Variants in CFAP299 observed in about 807,000 individuals in gnomAD.
The protein encoded by CFAP299 is cilia and flagella associated protein 299, also known as cilia- and flagella-associated protein 299.
CFAP299 carries 21 observed loss-of-function variants against 27.0 expected under a neutral mutation model. The observed-to-expected ratio is 0.78, with a 90% confidence interval of 0.55 to 1.12. CFAP299 has a LOEUF of 1.12. Ranked by LOEUF, CFAP299 falls within the 50% of genes most tolerant of loss-of-function variation. The pLI is 0.00. For synonymous variants in CFAP299, 104 were observed against 98.1 expected, an observed-to-expected ratio of 1.06 and a Z score of -0.36; for missense variants, 310 against 276.6, an observed-to-expected ratio of 1.12 and a Z score of -0.86.
intron 2 of CFAP299, among the ~76,000 whole-genome samples, chr4:80,469,450 TG>T (rs1376510019): frequency 6.6e-6 from 1 of 152,168 alleles, no homozygotes. Context: ...ATCTGTTAAG[TG>T]GGGATATTAA....
intron 3 of CFAP299, among the ~76,000 whole-genome samples, chr4:80,668,206 A>T (rs1009290486): frequency 1.3e-5 from 2 of 150,780 alleles, no homozygotes; most frequent in Admixed American, 6.6e-5. Flanking sequence ...TCTGGTTATT[A>T]ATTTCTTGTC....
chr4:80,668,879 G>T (rs1741287275), intron 3 of CFAP299, among the ~76,000 whole-genome samples: 1 of 151,928 alleles, frequency 6.6e-6, no homozygotes, highest in Admixed American at 6.6e-5. Context: ...GATAGGGATT[G>T]CACTGAATCT....
intron 1 of CFAP299, among the ~76,000 whole-genome samples, chr4:80,358,294 T>G (rs1723369380): frequency 6.6e-6 from 1 of 152,160 alleles, no homozygotes; most frequent in African/African-American, 2.4e-5. Context: ...CAGGTGGCAG[T>G]GAGAAGAACA....
At chr4:80,413,308 A>G (rs1244575154) in intron 2 of CFAP299, among the ~76,000 whole-genome samples, 1 of 152,250 alleles carries the variant, frequency 6.6e-6, no homozygotes, top group Non-Finnish European at 1.5e-5. Flanking sequence ...TTGTGAAAGC[A>G]GCAGGCATCC....
chr4:80,764,657 C>T (rs181673084), intron 3 of CFAP299, among the ~76,000 whole-genome samples: 163 of 152,140 alleles, frequency 1.1e-3, no homozygotes, highest in African/African-American at 3.3e-3. Flanking sequence ...ATGTTTATTG[C>T]GGCACTATTC....
intron 2 of CFAP299, among the ~76,000 whole-genome samples, chr4:80,441,668 T>C (rs1346711021): frequency 4.6e-5 from 7 of 152,190 alleles, no homozygotes; most frequent in African/African-American, 1.7e-4. Context: ...AATCACCAGC[T>C]AGCATCATAA....
intron 3 of CFAP299, among the ~76,000 whole-genome samples, chr4:80,796,358 T>C (rs1306268974): frequency 6.6e-6 from 1 of 152,202 alleles, no homozygotes; most frequent in Admixed American, 6.5e-5. Flanking sequence ...CATGTGTTTG[T>C]TACTTCTTGC....
At chr4:80,737,010 G>A (rs1455428932) in intron 3 of CFAP299, among the ~76,000 whole-genome samples, 1 of 152,118 alleles carries the variant, frequency 6.6e-6, no homozygotes, top group African/African-American at 2.4e-5. Flanking sequence ...CATGTCCTTT[G>A]TAGGGACATG....
chr4:80,874,741 G>C (rs1733281689), intron 4 of CFAP299, among the ~76,000 whole-genome samples: 1 of 152,036 alleles, frequency 6.6e-6, no homozygotes, highest in Non-Finnish European at 1.5e-5. Flanking sequence ...AATTTTGGAG[G>C]GGACACATTC....
chr4:80,787,752 A>G (rs1473303953), intron 3 of CFAP299, among the ~76,000 whole-genome samples: 1 of 151,988 alleles, frequency 6.6e-6, no homozygotes, highest in Non-Finnish European at 1.5e-5. Flanking sequence ...ACCTAATTCT[A>G]ATTTATCTAT....
rs184179361 is a variant in CFAP299 at position 80,898,640 on chromosome 4, C to G, written c.476+28505C>G. ...CCCAGAATTTTCCTGTCTCCTGTTGCTATCAAAATTACATGGGAAAACCCA... is the reference window on the plus strand; with the variant it reads ...CCCAGAATTTTCCTGTCTCCTGTTGGTATCAAAATTACATGGGAAAACCCA... On this transcript the variant is annotated intron_variant, in intron 4 of 5. Coordinates refer to ENST00000358105, the MANE Select transcript of CFAP299 (RefSeq NM_152770.3). 1.4e-4 allele frequency among the ~76,000 whole-genome samples: 22 copies of G among 152,032 alleles called. No homozygotes were observed. In the East Asian group the frequency reaches 2.9e-3, roughly 20 times the overall value.
At chr4:80,956,320 T>C (rs1738065786) in intron 5 of CFAP299, among the ~76,000 whole-genome samples, 1 of 152,234 alleles carries the variant, frequency 6.6e-6, no homozygotes, top group African/African-American at 2.4e-5. Flanking sequence ...TTGCATACTT[T>C]TTTAACTGTT....
chr4:80,358,099 A>C (rs1231990063), intron 1 of CFAP299, among the ~76,000 whole-genome samples: 4 of 152,112 alleles, frequency 2.6e-5, no homozygotes, highest in Non-Finnish European at 4.4e-5. Flanking sequence ...TTATTTACTG[A>C]AAAGTCATTC....
intron 3 of CFAP299, among the ~76,000 whole-genome samples, chr4:80,664,196 C>G (rs547017400): frequency 6.6e-6 from 1 of 152,188 alleles, no homozygotes; most frequent in East Asian, 1.9e-4. Flanking sequence ...GCTGTTTGGG[C>G]AGACACCAAG....
chr4:80,431,019 G>C (rs1405941558), intron 2 of CFAP299, among the ~76,000 whole-genome samples: 1 of 152,110 alleles, frequency 6.6e-6, no homozygotes, highest in African/African-American at 2.4e-5. Flanking sequence ...GACCTCCTCT[G>C]ACCAATCCAT....
chr4:80,735,367 A>T (rs1723793116), intron 3 of CFAP299, among the ~76,000 whole-genome samples: 1 of 152,100 alleles, frequency 6.6e-6, no homozygotes, highest in African/African-American at 2.4e-5. Flanking sequence ...AAAATGTGAG[A>T]TCATATCATG....
chr4:80,942,164 T>C (rs186645109), intron 4 of CFAP299, among the ~76,000 whole-genome samples: 48 of 152,358 alleles, frequency 3.2e-4, no homozygotes, highest in Middle Eastern at 6.8e-3. Flanking sequence ...AGAGAGACCA[T>C]GGTTGTAGTC....
chr4:80,470,129 A>G lies in CFAP299; in HGVS notation c.242+107245A>G, dbSNP rs150917172. On this transcript the variant is annotated intron_variant, in intron 2 of 5. Coordinates refer to ENST00000358105, the MANE Select transcript of CFAP299 (RefSeq NM_152770.3). The stretch of plus-strand genomic sequence containing the variant: ...GTAGTACCACAGAGTAGTGAAGAAA[A>G]GCACTAGACAGTATTCAGGAAAACC... 3.5e-3 allele frequency among the ~76,000 whole-genome samples: 540 copies of G among 152,252 alleles called. 4 individuals are homozygous for G. Among genetic ancestry groups the G allele is most frequent in the African/African-American group, 0.012 (503 of 41,552 alleles).
intron 4 of CFAP299, among the ~76,000 whole-genome samples, chr4:80,887,392 A>G (rs1396767147): frequency 1.3e-5 from 2 of 152,206 alleles, no homozygotes; most frequent in African/African-American, 4.8e-5. Context: ...CAGACTTCTC[A>G]GTGGAAACAT....
Sources: gnomAD v4.1 joint callset for allele counts (sites outside exome capture counted in the v4.1 genomes callset) on GRCh38, gnomAD v4.1.1 for gene constraint, MANE v1.5 for transcripts, NCBI Gene and HGNC (gene_info 2026-07-23, HGNC 2026-07-21) for gene names.